FAM228A: variants seen among roughly 807,000 people sequenced by gnomAD.
FAM228A encodes protein FAM228A.
In FAM228A, 13 loss-of-function variants were observed where a neutral mutation model predicts 18.6. The observed-to-expected ratio is 0.70, with a 90% CI of 0.45 to 1.11. The LOEUF (loss-of-function observed/expected upper bound fraction) is 1.11, where lower values mean the gene tolerates loss of function less well. Among genes scored for constraint, FAM228A ranks in the 50% least tolerant of loss-of-function variants. The probability of loss-of-function intolerance (pLI) is 0.00; values close to 1 mark genes in which losing one functional copy is unlikely to be tolerated. For missense variants in FAM228A, 240 were observed against 242.2 expected, an observed-to-expected ratio of 0.99 and a Z score of 0.06; for synonymous variants, 77 against 86.6, an observed-to-expected ratio of 0.89 and a Z score of 0.61.
chr2:24,188,761 T>C (rs920847667), intron 5 of FAM228A: 1 of 640,196 alleles, frequency 1.6e-6, no homozygotes, highest in African/African-American at 2.0e-5. Flanking sequence ...TGTCCAGTGA[T>C]TTTAAAATTC....
intron 3 of FAM228A, among the ~76,000 whole-genome samples, chr2:24,181,915 G>A (rs911615128): frequency 6.6e-6 from 1 of 152,162 alleles, no homozygotes; most frequent in Non-Finnish European, 1.5e-5. Flanking sequence ...TGTGCACAAG[G>A]CATGGATACG....
At position 24,183,341 on chromosome 2, in the gene FAM228A, A is replaced by G; in HGVS notation, c.219A>G (p.Glu73=). 1 of 1,614,098 alleles carries G rather than the reference A, an allele frequency of 6.2e-7. No homozygotes were observed. The highest frequency in any genetic ancestry group is 8.5e-7 in the Non-Finnish European group (1 of 1,179,942). ...PLFQRQQEVD[E]ERRTGLQCET... The stretch of plus-strand genomic sequence containing the variant: ...TTCAAAGACAGCAAGAGGTGGATGA[A>G]GAGAGGAGAACTGGTCTTCAGTGTG... Residue 73 remains glutamate (E), a synonymous_variant, in exon 4 of 6, where the codon GAA becomes GAG. Transcript: ENST00000295150.
chr2:24,175,388 G>T, intron 1 of FAM228A, 79 bp from the exon 2 acceptor site: 1 of 1,030,458 alleles, frequency 9.7e-7, no homozygotes, highest in South Asian at 1.3e-5. Context: ...AGCGGGATTT[G>T]AACACTCCCT....
intron 3 of FAM228A, among the ~76,000 whole-genome samples, chr2:24,180,761 G>A (rs1179384286): frequency 6.6e-6 from 1 of 152,128 alleles, no homozygotes; most frequent in African/African-American, 2.4e-5. Context: ...GCTTAGAGTG[G>A]GAAGCATCAG....
chr2:24,188,168 T>C (rs1667997178), intron 5 of FAM228A, among the ~76,000 whole-genome samples: 1 of 152,240 alleles, frequency 6.6e-6, no homozygotes, highest in Admixed American at 6.5e-5. Context: ...GATATTTTAT[T>C]ATCTCTTCTG....
chr2:24,191,515 A>G lies in FAM228A; in HGVS notation c.*884A>G. ...GCACAGGGAGCTCCTCATTCCATGT[A>G]TTTTTCAAATATTCAAGATGTACAA... On this transcript the variant is annotated 3_prime_UTR_variant, in exon 6 of 6. Transcript: ENST00000295150. 2 of 984,106 alleles carry G rather than the reference A, an allele frequency of 2.0e-6. No individual in the cohort carries two copies. Among genetic ancestry groups the G allele is most frequent in the Non-Finnish European group, 2.4e-6 (2 of 828,742 alleles). The allele number at this position is 984,106 out of a possible 1,614,324, so 61.0% of individuals were successfully genotyped here.
chr2:24,188,450 T>C, intron 5 of FAM228A: 1 of 985,348 alleles, frequency 1.0e-6, no homozygotes, highest in African/African-American at 1.7e-5. Context: ...GGAAATGCTG[T>C]CTGTACTCGG....
chr2:24,179,253 T>C (rs999151554), intron 3 of FAM228A: 19 of 688,762 alleles, frequency 2.8e-5, no homozygotes, highest in Non-Finnish European at 3.4e-5. Context: ...GAGCTTAAAA[T>C]GAAACGAGAA....
rs558890240 is a variant in FAM228A, at chr2:24,191,061, A to T, written c.*430A>T. 4.0e-6 allele frequency: 4 copies of T among 989,404 alleles called. No individual in the cohort carries two copies. Among genetic ancestry groups the T allele is most frequent in the Admixed American group, 6.1e-5 (1 of 16,442 alleles). The allele number at this position is 989,404 out of a possible 1,614,324, so 61.3% of individuals were successfully genotyped here. A position where few individuals can be genotyped will look rare whatever the true frequency, so the allele number is the denominator to read the frequency against. ...TATACCAAAAAATTAGGGCAAGATG[A>T]GATTTTTTGATATTTAAAAGGTATT... is the stretch of plus-strand genomic sequence containing the variant. On this transcript the variant is annotated 3_prime_UTR_variant, in exon 6 of 6. Coordinates refer to ENST00000295150, the MANE Select transcript of FAM228A (RefSeq NM_001040710.3).
chr2:24,185,332 G>T (rs1171136739), intron 5 of FAM228A, among the ~76,000 whole-genome samples: 2 of 151,930 alleles, frequency 1.3e-5, no homozygotes, highest in East Asian at 3.9e-4. Context: ...TAATTTCCAG[G>T]TTCTCTATCC....
Position 24,190,393 on chromosome 2 carries a change from T to C in FAM228A, c.402-19T>C. 1 of 1,578,864 alleles carries C rather than the reference T, an allele frequency of 6.3e-7. No individual in the cohort carries two copies. Among genetic ancestry groups the C allele is most frequent in the Non-Finnish European group, 8.6e-7 (1 of 1,165,588 alleles). The stretch of plus-strand genomic sequence containing the variant: ...CATCTGTGCTGAATCGAGACAATTT[T>C]TTCTGCTTTTCTTCACAGTCCTGAA... On this transcript the variant is annotated intron_variant, in intron 5 of 5. Transcript: ENST00000295150.
rs1033337437 is a variant in FAM228A at position 24,191,428 on chromosome 2, C to T, written c.*797C>T. ...TCTCTCCAGGGAGTAAGGGATTCTC[C>T]GTCTGTGGTAAGTTACCTGTGACTC... On this transcript the variant is annotated 3_prime_UTR_variant, in exon 6 of 6. Coordinates refer to ENST00000295150, the MANE Select transcript of FAM228A (RefSeq NM_001040710.3). 3.5e-5 allele frequency: 34 copies of T among 985,322 alleles called. No individual in the cohort carries two copies. The highest frequency in any genetic ancestry group is 1.2e-4 in the African/African-American group (7 of 57,242). The allele number at this position is 985,322 out of a possible 1,614,324, so 61.0% of individuals were successfully genotyped here. A position where few individuals can be genotyped will look rare whatever the true frequency, so the allele number is the denominator to read the frequency against.
chr2:24,179,142 C>T (rs1271342219), intron 3 of FAM228A: 8 of 1,133,462 alleles, frequency 7.1e-6, no homozygotes, highest in African/African-American at 1.7e-5. Flanking sequence ...CATGTGGATA[C>T]TTTTAAGGAA....
At chr2:24,189,381 C>G (rs1668029627) in intron 5 of FAM228A, among the ~76,000 whole-genome samples, 1 of 152,232 alleles carries the variant, frequency 6.6e-6, no homozygotes, top group Non-Finnish European at 1.5e-5. Context: ...TCAGCACATT[C>G]TTAACTCCCT....
chr2:24,183,288 A>G lies in FAM228A; in HGVS notation c.166A>G (p.Thr56Ala). Residue 56 changes from threonine (T) to alanine (A), a missense_variant, in exon 4 of 6, where the codon ACA becomes GCA. Thr to Ala is a moderately conservative substitution (Grantham distance 58). Coordinates refer to ENST00000295150, the MANE Select transcript of FAM228A (RefSeq NM_001040710.3). ...LFKENSIVKV[T>A]VPPFVDPLFQ... Reference sequence around the variant, plus strand: ...AAGAGTCTCATTTCTCTTGTAGGTTACAGTCCCACCATTTGTTGATCCTCT... The same window carrying G: ...AAGAGTCTCATTTCTCTTGTAGGTTGCAGTCCCACCATTTGTTGATCCTCT... The G allele has an allele frequency of 6.2e-7, 1 of 1,611,146 alleles. No individual in the cohort carries two copies. Among genetic ancestry groups the G allele is most frequent in the Non-Finnish European group, 8.5e-7 (1 of 1,177,348 alleles).
chr2:24,176,353 T>TA (rs66807709), intron 2 of FAM228A: 228,713 of 265,836 alleles, frequency 0.86, 100,504 homozygotes, highest in Non-Finnish European at 0.91. Context: ...TCATTTTAAT[T>TA]AAAAAAAATA....
rs775546054 is a variant in FAM228A at position 24,175,438 on chromosome 2, C to T, written c.-14-29C>T. On this transcript the variant is annotated intron_variant, in intron 1 of 5. Coordinates refer to ENST00000295150, the MANE Select transcript of FAM228A (RefSeq NM_001040710.3). The stretch of plus-strand genomic sequence containing the variant: ...GGCTCTCAACGGTAACCGTCTTCCT[C>T]AGCCTCAGTTTACCTTTTCATCCCT... 5 of 1,507,926 alleles carry T rather than the reference C, an allele frequency of 3.3e-6. No homozygotes were observed. In the South Asian group the frequency reaches 4.5e-5, roughly 14 times the overall value. The allele number at this position is 1,507,926 out of a possible 1,614,324, so 93.4% of individuals were successfully genotyped here.
chr2:24,179,699 C>G (rs575879536), intron 3 of FAM228A, among the ~76,000 whole-genome samples: 1 of 152,294 alleles, frequency 6.6e-6, no homozygotes, highest in African/African-American at 2.4e-5. Flanking sequence ...TAGCTCCAGA[C>G]ATTAGGTCTT....
chr2:24,190,204 G>A (rs1328966271), intron 5 of FAM228A, among the ~76,000 whole-genome samples: 1 of 152,044 alleles, frequency 6.6e-6, no homozygotes, highest in African/African-American at 2.4e-5. Flanking sequence ...GCTGGGGAAG[G>A]GTCCCCAAGT....
Sources: allele counts gnomAD v4.1 joint callset (sites outside exome capture counted in the v4.1 genomes callset), GRCh38; gene constraint gnomAD v4.1.1; transcripts MANE v1.5; gene names NCBI Gene and HGNC (gene_info 2026-07-23, HGNC 2026-07-21).